NUDT2: variants seen among roughly 807,000 people sequenced by gnomAD.
NUDT2 encodes bis(5'-nucleosyl)-tetraphosphatase [asymmetrical].
NUDT2 carries 12 observed loss-of-function variants against 14.2 expected under a neutral mutation model. That is an observed-to-expected ratio of 0.84 (90% CI 0.54 to 1.37). NUDT2 has a LOEUF of 1.37. Among genes scored for constraint, NUDT2 ranks in the 40% most tolerant of loss-of-function variants. The pLI is 0.00. For missense variants in NUDT2, 167 were observed against 176.7 expected (o/e 0.95, Z 0.31); for synonymous variants, 67 against 67.4 (o/e 0.99, Z 0.03).
chr9:34,343,074 G>C, intron 4 of NUDT2, 50 bp from the exon 5 acceptor site: 1 of 1,510,940 alleles, frequency 6.6e-7, no homozygotes, highest in Non-Finnish European at 8.9e-7. Flanking sequence ...CCAGCTTTGG[G>C]AACTTTGGAA....
intron 1 of NUDT2, among the ~76,000 whole-genome samples, chr9:34,332,324 T>TA (rs1248401317): frequency 3.9e-5 from 6 of 152,198 alleles, no homozygotes; most frequent in Non-Finnish European, 8.8e-5. Flanking sequence ...CCTTATGGGG[T>TA]ACCTTGTTAA....
chr9:34,340,461 C>T (rs1838203263), intron 4 of NUDT2, among the ~76,000 whole-genome samples: 1 of 152,152 alleles, frequency 6.6e-6, no homozygotes. Flanking sequence ...CTTGAGATTG[C>T]AGCTTGACCA....
chr9:34,338,504 T>C (rs1270123197), intron 2 of NUDT2, among the ~76,000 whole-genome samples: 1 of 142,526 alleles, frequency 7.0e-6, no homozygotes, highest in Non-Finnish European at 1.5e-5. Flanking sequence ...CTAGACCCTG[T>C]CTCAAAAAAA....
In NUDT2 at chr9:34,338,866, G is replaced by C. The variant is rs1838165275; in HGVS notation, c.-17+19G>C. ...CACAAAGGTCAGTCTCTGATTCCTGGATGCCTTCCATTGGTCCTGGGCATG... is the reference window on the plus strand; with the variant it reads ...CACAAAGGTCAGTCTCTGATTCCTGCATGCCTTCCATTGGTCCTGGGCATG... On this transcript the variant is annotated intron_variant, in intron 3 of 4. Coordinates refer to ENST00000379158, the MANE Select transcript of NUDT2 (RefSeq NM_001161.5). 5.5e-6 allele frequency: 3 copies of C among 547,384 alleles called. No homozygotes were observed. Among genetic ancestry groups the C allele is most frequent in the Non-Finnish European group, 9.7e-6 (3 of 310,654 alleles). The allele number at this position is 547,384 out of a possible 1,614,324, so 33.9% of individuals were successfully genotyped here.
intron 1 of NUDT2, among the ~76,000 whole-genome samples, chr9:34,331,534 C>A (rs970424181): frequency 6.6e-6 from 1 of 152,178 alleles, no homozygotes; most frequent in African/African-American, 2.4e-5. Flanking sequence ...GAATACCAGA[C>A]AGATGCAGGG....
chr9:34,341,783 T>A (rs893165941), intron 4 of NUDT2, among the ~76,000 whole-genome samples: 4 of 152,198 alleles, frequency 2.6e-5, no homozygotes, highest in African/African-American at 9.6e-5. Flanking sequence ...GTGTTGGGAT[T>A]ACAGGCATGA....
chr9:34,338,479 G>GCCTGGTCAA (rs1838154039), intron 2 of NUDT2, among the ~76,000 whole-genome samples: 1 of 149,002 alleles, frequency 6.7e-6, no homozygotes, highest in South Asian at 2.1e-4. Flanking sequence ...TTGCACTCCA[G>GCCTGGTCAA]CCTGGTCAAC....
chr9:34,334,620 C>T (rs920119741), intron 1 of NUDT2, among the ~76,000 whole-genome samples: 2 of 152,144 alleles, frequency 1.3e-5, no homozygotes, highest in Non-Finnish European at 2.9e-5. Context: ...TTCCCAGGGC[C>T]CCAGAACATA....
intron 1 of NUDT2, among the ~76,000 whole-genome samples, chr9:34,334,359 G>T (rs940026447): frequency 6.6e-6 from 1 of 152,152 alleles, no homozygotes. Context: ...CTTTTTTGAA[G>T]TGTGAATTGC....
rs1296920946 is a variant in NUDT2 at position 34,343,586 on chromosome 9, G to A, written c.*146G>A. On this transcript the variant is annotated 3_prime_UTR_variant, in exon 5 of 5. Transcript: ENST00000379158. ...TGTGAAATCGGCTCAACTCCCAGGT[G>A]AGAGCAAGCAAAAATCTTGGCTGGG... The A allele has an allele frequency of 1.3e-5, 9 of 690,758 alleles. No individual in the cohort carries two copies. Among genetic ancestry groups the A allele is most frequent in the Non-Finnish European group, 2.1e-5 (9 of 437,108 alleles). The allele number at this position is 690,758 out of a possible 1,614,324, so 42.8% of individuals were successfully genotyped here.
chr9:34,339,036 G>A lies in NUDT2; in HGVS notation c.-4G>A, dbSNP rs778192361. On this transcript the variant is annotated 5_prime_UTR_variant, in exon 4 of 5. Coordinates refer to ENST00000379158, the MANE Select transcript of NUDT2 (RefSeq NM_001161.5). ...CTTCTTTGTTAAGTCCTTAGGATAA[G>A]ACCATGGCCTTGAGAGCATGTGGCT... is the stretch of plus-strand genomic sequence containing the variant. The A allele has an allele frequency of 6.2e-7, 1 of 1,612,786 alleles. No individual in the cohort carries two copies. Among genetic ancestry groups the A allele is most frequent in the African/African-American group, 1.3e-5 (1 of 74,916 alleles).
chr9:34,335,460 C>T (rs1468529429), intron 1 of NUDT2, among the ~76,000 whole-genome samples: 4 of 152,176 alleles, frequency 2.6e-5, no homozygotes, highest in African/African-American at 9.7e-5. Flanking sequence ...CCTGATTGAA[C>T]TTTAAATTTG....
In NUDT2 at chr9:34,343,261, A is replaced by G; in HGVS notation, c.265A>G (p.Lys89Glu). ...CAATTATGTGGCCAGGAACAAGCCT[A>G]AAACAGTCATTTACTGGCTGGCGGA... ...ELNYVARNKP[K>E]TVIYWLAEVK... The change falls in exon 5 of 5, where the codon AAA (lysine) becomes GAA (glutamate). Residue 89 changes from lysine (K) to glutamate (E), a missense_variant. Transcript: ENST00000379158. 1 of 1,614,130 alleles carries G rather than the reference A, an allele frequency of 6.2e-7. No homozygotes were observed. The highest frequency in any genetic ancestry group is 8.5e-7 in the Non-Finnish European group (1 of 1,180,016).
chr9:34,343,605 G>C lies in NUDT2; in HGVS notation c.*165G>C. ...CCAGGTGAGAGCAAGCAAAAATCTT[G>C]GCTGGGTGGAAAGGAAGGCAAAAGA... is the stretch of plus-strand genomic sequence containing the variant. On this transcript the variant is annotated 3_prime_UTR_variant, in exon 5 of 5. Coordinates refer to ENST00000379158, the MANE Select transcript of NUDT2 (RefSeq NM_001161.5). 1.7e-6 allele frequency: 1 copy of C among 601,488 alleles called. No individual in the cohort carries two copies. The highest frequency in any genetic ancestry group is 2.8e-5 in the South Asian group (1 of 35,772). The allele number at this position is 601,488 out of a possible 1,614,324, so 37.3% of individuals were successfully genotyped here.
chr9:34,338,327 T>TAA (rs61594121), intron 2 of NUDT2, among the ~76,000 whole-genome samples: 645 of 33,698 alleles, frequency 0.019, 75 homozygotes, highest in East Asian at 0.1. Flanking sequence ...ACCCTGTCTC[T>TAA]AAAAAAAAAA....
At position 34,343,570 on chromosome 9, in the gene NUDT2, G is replaced by C. The variant is rs929799380; in HGVS notation, c.*130G>C. On this transcript the variant is annotated 3_prime_UTR_variant, in exon 5 of 5. Transcript: ENST00000379158. Reference sequence around the variant, plus strand: ...CAGCCAAGAGCAGATTTGTGAAATCGGCTCAACTCCCAGGTGAGAGCAAGC... The same window carrying C: ...CAGCCAAGAGCAGATTTGTGAAATCCGCTCAACTCCCAGGTGAGAGCAAGC... 1.2e-6 allele frequency: 1 copy of C among 830,280 alleles called. No homozygotes were observed. Among genetic ancestry groups the C allele is most frequent in the Non-Finnish European group, 1.8e-6 (1 of 558,562 alleles). The allele number at this position is 830,280 out of a possible 1,614,324, so 51.4% of individuals were successfully genotyped here. A position where few individuals can be genotyped will look rare whatever the true frequency, so the allele number is the denominator to read the frequency against.
In NUDT2 at chr9:34,343,452, C is replaced by A; in HGVS notation, c.*12C>A. 1.3e-6 allele frequency: 2 copies of A among 1,551,754 alleles called. No homozygotes were observed. The highest frequency in any genetic ancestry group is 1.7e-6 in the Non-Finnish European group (2 of 1,148,048). The stretch of plus-strand genomic sequence containing the variant: ...CCATAGAGGCCTGAGCTGACTGGAG[C>A]AGAGTCATTTGCTTCAGCAGGATCC... On this transcript the variant is annotated 3_prime_UTR_variant, in exon 5 of 5. Coordinates refer to ENST00000379158, the MANE Select transcript of NUDT2 (RefSeq NM_001161.5).
intron 4 of NUDT2, among the ~76,000 whole-genome samples, chr9:34,340,491 A>C (rs920492556): frequency 8.5e-5 from 13 of 152,162 alleles, no homozygotes; most frequent in African/African-American, 1.2e-4. Flanking sequence ...CTGTGCCTTG[A>C]GTCTATCACT....
chr9:34,336,829 C>T (rs1235834862), intron 2 of NUDT2, among the ~76,000 whole-genome samples: 12 of 152,058 alleles, frequency 7.9e-5, no homozygotes, highest in African/African-American at 2.7e-4. Context: ...AAGGCTCGAG[C>T]CACTGAACCC....
Sources: allele counts gnomAD v4.1 joint callset (sites outside exome capture counted in the v4.1 genomes callset), GRCh38; gene constraint gnomAD v4.1.1; transcripts MANE v1.5; gene names NCBI Gene and HGNC (gene_info 2026-07-23, HGNC 2026-07-21).